The following GABRG1 variants were observed in gnomAD, a reference collection of about 807,000 sequenced individuals.
GABRG1 encodes the protein gamma-aminobutyric acid type A receptor subunit gamma1, also known as gamma-aminobutyric acid receptor subunit gamma-1.
In GABRG1, 49 loss-of-function variants were observed where a neutral mutation model predicts 49.8. That is an observed-to-expected ratio of 0.98 (90% CI 0.78 to 1.25). The LOEUF (loss-of-function observed/expected upper bound fraction) is 1.25. GABRG1 is among the 50% of genes most tolerant of loss of function. The probability of loss-of-function intolerance (pLI) is 0.00; values close to 1 mark genes in which losing one functional copy is unlikely to be tolerated. For synonymous variants in GABRG1, 232 were observed against 185.1 expected (o/e 1.25, Z -2.06); for missense variants, 552 against 552.3 (o/e 1.00, Z 0.01).
intron 2 of GABRG1, among the ~76,000 whole-genome samples, chr4:46,096,884 G>A (rs566292399): frequency 4.0e-4 from 60 of 151,712 alleles, no homozygotes; most frequent in Admixed American, 3.9e-3. Context: ...TATAAAAATG[G>A]TCATTATTCT....
intron 1 of GABRG1, among the ~76,000 whole-genome samples, chr4:46,115,693 G>T (rs1300497098): frequency 6.6e-6 from 1 of 150,670 alleles, no homozygotes; most frequent in East Asian, 2.0e-4. Flanking sequence ...TCCTTGGTAG[G>T]ATTGAAGATA....
chr4:46,107,112 G>T (rs143492920), intron 1 of GABRG1, among the ~76,000 whole-genome samples: 1 of 151,194 alleles, frequency 6.6e-6, no homozygotes, highest in Admixed American at 6.6e-5. Flanking sequence ...AAGTTATGTT[G>T]ACTACAGTTA....
intron 3 of GABRG1, among the ~76,000 whole-genome samples, chr4:46,076,745 A>T (rs887005738): frequency 2.0e-5 from 3 of 151,710 alleles, no homozygotes; most frequent in African/African-American, 7.3e-5. Flanking sequence ...CCCATAAAAA[A>T]CTAAAAAAAT....
At chr4:46,094,054 T>G (rs936346242) in intron 2 of GABRG1, among the ~76,000 whole-genome samples, 7 of 151,960 alleles carry the variant, frequency 4.6e-5, no homozygotes, top group African/African-American at 1.7e-4. Flanking sequence ...TAAACAATAT[T>G]CACTAACTAC....
chr4:46,112,033 C>T (rs528314036), intron 1 of GABRG1, among the ~76,000 whole-genome samples: 1 of 151,324 alleles, frequency 6.6e-6, no homozygotes, highest in East Asian at 2.0e-4. Context: ...GCAAAAACAA[C>T]TGTCAAGGAG....
chr4:46,097,397 C>A, intron 1 of GABRG1, 48 bp from the exon 2 acceptor site: 4 of 1,545,100 alleles, frequency 2.6e-6, no homozygotes, highest in Admixed American at 1.9e-5. Flanking sequence ...TCAATCAAAT[C>A]ATGTATAAAA....
At chr4:46,121,902 A>G (rs1721099454) in intron 1 of GABRG1, among the ~76,000 whole-genome samples, 1 of 152,118 alleles carries the variant, frequency 6.6e-6, no homozygotes, top group Admixed American at 6.6e-5. Flanking sequence ...ATGGTTAAAA[A>G]GTCCATAGTA....
intron 3 of GABRG1, among the ~76,000 whole-genome samples, chr4:46,078,503 A>G (rs1447040688): frequency 1.3e-5 from 2 of 151,946 alleles, no homozygotes; most frequent in African/African-American, 4.8e-5. Flanking sequence ...AGGGAGAAAA[A>G]GAGAGGGTGA....
intron 1 of GABRG1, among the ~76,000 whole-genome samples, chr4:46,102,890 A>G (rs1720427294): frequency 6.6e-6 from 1 of 151,704 alleles, no homozygotes; most frequent in Non-Finnish European, 1.5e-5. Context: ...CCTTATTACT[A>G]GAGAAAAAAA....
chr4:46,082,400 A>G (rs2350439), intron 3 of GABRG1, among the ~76,000 whole-genome samples: 78,750 of 151,324 alleles, frequency 0.52, 20,835 homozygotes, highest in African/African-American at 0.55. Flanking sequence ...TTCTCAAAAT[A>G]GTAGTTTATA....
chr4:46,073,593 G>A (rs1247993786), intron 3 of GABRG1, among the ~76,000 whole-genome samples: 3 of 151,934 alleles, frequency 2.0e-5, no homozygotes, highest in East Asian at 1.9e-4. Context: ...CATGGAGCAC[G>A]CTTCCTAAGT....
intron 1 of GABRG1, among the ~76,000 whole-genome samples, chr4:46,111,476 G>A (rs1720712300): frequency 6.6e-6 from 1 of 150,998 alleles, no homozygotes; most frequent in Admixed American, 6.6e-5. Flanking sequence ...GTTTTCCATA[G>A]AACTAGGAAA....
intron 3 of GABRG1, among the ~76,000 whole-genome samples, chr4:46,071,348 AAC>A (rs1719111076): frequency 6.6e-6 from 1 of 151,034 alleles, no homozygotes; most frequent in African/African-American, 2.4e-5. Flanking sequence ...ATATATACAT[AAC>A]ACATATATAT....
chr4:46,084,412 A>G (rs756927395), intron 2 of GABRG1, among the ~76,000 whole-genome samples: 1 of 151,558 alleles, frequency 6.6e-6, no homozygotes, highest in Non-Finnish European at 1.5e-5. Context: ...TCGCAATGCT[A>G]TGATTGACCA....
intron 5 of GABRG1, among the ~76,000 whole-genome samples, chr4:46,063,903 A>G (rs545700303): frequency 1.3e-5 from 2 of 152,252 alleles, no homozygotes; most frequent in South Asian, 2.1e-4. Flanking sequence ...TACTCTAATT[A>G]TTCACCTCTA....
chr4:46,048,879 G>A (rs1718107324), intron 8 of GABRG1, among the ~76,000 whole-genome samples: 1 of 151,784 alleles, frequency 6.6e-6, no homozygotes, highest in South Asian at 2.1e-4. Flanking sequence ...TTTTGTTCAA[G>A]TATTATCTCT....
intron 1 of GABRG1, among the ~76,000 whole-genome samples, chr4:46,113,923 A>G (rs781217060): frequency 9.9e-5 from 15 of 151,192 alleles, no homozygotes; most frequent in South Asian, 2.1e-4. Flanking sequence ...ATTTCAGGGA[A>G]AAGTTCCAGA....
chr4:46,059,399 T>C (rs1034884070), intron 5 of GABRG1, among the ~76,000 whole-genome samples: 2 of 152,056 alleles, frequency 1.3e-5, no homozygotes, highest in African/African-American at 4.8e-5. Flanking sequence ...TCTCCTTTTT[T>C]TTTTTTAGAC....
At chr4:46,061,971 A>G (rs940470597) in intron 5 of GABRG1, among the ~76,000 whole-genome samples, 1 of 150,806 alleles carries the variant, frequency 6.6e-6, no homozygotes, top group East Asian at 2.0e-4. Flanking sequence ...GGTGTGCTGC[A>G]CCCATTAACT....
Sources: allele counts gnomAD v4.1 joint callset (sites outside exome capture counted in the v4.1 genomes callset), GRCh38; gene constraint gnomAD v4.1.1; transcripts MANE v1.5; gene names NCBI Gene and HGNC (gene_info 2026-07-23, HGNC 2026-07-21).